The following SLC2A13 variants were observed in gnomAD, a reference collection of about 807,000 sequenced individuals.
SLC2A13 encodes solute carrier family 2 member 13.
In SLC2A13, 32 loss-of-function variants were observed where a neutral mutation model predicts 64.4. That is an observed-to-expected ratio of 0.50 (90% CI 0.37 to 0.67). The LOEUF (loss-of-function observed/expected upper bound fraction) is 0.67. SLC2A13 is among the 30% of genes least tolerant of loss of function. The pLI is 0.00. For missense variants in SLC2A13, 743 were observed against 829.2 expected (o/e 0.90, Z 1.28); for synonymous variants, 338 against 327.1 (o/e 1.03, Z -0.36).
intron 6 of SLC2A13, among the ~76,000 whole-genome samples, chr12:39,837,880 T>G (rs1344221419): frequency 2.6e-5 from 4 of 151,144 alleles, no homozygotes; most frequent in East Asian, 2.0e-4. Context: ...GAAACACTTT[T>G]ACACTGTTGG....
intron 4 of SLC2A13, among the ~76,000 whole-genome samples, chr12:39,882,648 C>A (rs908929921): frequency 2.6e-5 from 4 of 152,158 alleles, no homozygotes; most frequent in South Asian, 2.1e-4. Context: ...ACCAAGAAAG[C>A]GTGAGCAATC....
chr12:39,882,209 C>T (rs1944356110), intron 4 of SLC2A13, among the ~76,000 whole-genome samples: 1 of 152,116 alleles, frequency 6.6e-6, no homozygotes, highest in African/African-American at 2.4e-5. Flanking sequence ...TATTGGTGTG[C>T]TACAGGATCT....
At chr12:39,930,579 G>A (rs1945809553) in intron 4 of SLC2A13, among the ~76,000 whole-genome samples, 1 of 152,078 alleles carries the variant, frequency 6.6e-6, no homozygotes, top group South Asian at 2.1e-4. Flanking sequence ...TGTTAATACT[G>A]AAAGAAAAAT....
intron 7 of SLC2A13, among the ~76,000 whole-genome samples, chr12:39,768,069 AG>A (rs1166515069): frequency 6.6e-5 from 10 of 152,260 alleles, no homozygotes; most frequent in African/African-American, 2.2e-4. Context: ...AACTTGACGC[AG>A]CTTCTCCATC....
At chr12:40,000,444 C>T (rs1565583994) in intron 3 of SLC2A13, among the ~76,000 whole-genome samples, 1 of 152,148 alleles carries the variant, frequency 6.6e-6, no homozygotes, top group Non-Finnish European at 1.5e-5. Flanking sequence ...TTTCACAGTC[C>T]TAATGACCGA....
chr12:39,927,488 G>A (rs1282312702), intron 4 of SLC2A13, among the ~76,000 whole-genome samples: 1 of 151,980 alleles, frequency 6.6e-6, no homozygotes, highest in Non-Finnish European at 1.5e-5. Flanking sequence ...AGTAGTTCAG[G>A]ATTTCATAAT....
Position 39,757,409 on chromosome 12 carries a change from T to C in SLC2A13, c.*2617A>G, listed in dbSNP as rs1389383479. On this transcript the variant is annotated 3_prime_UTR_variant, in exon 10 of 10. Coordinates refer to ENST00000280871, the MANE Select transcript of SLC2A13 (RefSeq NM_052885.4). ...CCAAGTTGATAGTGGTAGCCAAATATGCTGGGAACTTAAAAGGTGCCTAAT... is the reference window on the plus strand; with the variant it reads ...CCAAGTTGATAGTGGTAGCCAAATACGCTGGGAACTTAAAAGGTGCCTAAT... 6.6e-6 allele frequency: 1 copy of C among 151,784 alleles called. No individual in the cohort carries two copies. The allele number at this position is 151,784 out of a possible 1,614,324, so 9.4% of individuals were successfully genotyped here. A position where few individuals can be genotyped will look rare whatever the true frequency, so the allele number is the denominator to read the frequency against.
intron 1 of SLC2A13, among the ~76,000 whole-genome samples, chr12:40,083,984 T>C (rs1406076231): frequency 3.9e-5 from 6 of 152,224 alleles, no homozygotes; most frequent in African/African-American, 1.4e-4. Context: ...TCATTATACT[T>C]TAAAATGCAT....
rs371221516 is a variant in SLC2A13, at chr12:39,795,576, T to G, written c.1446-30718A>C. 6.8e-4 allele frequency among the ~76,000 whole-genome samples: 103 copies of G among 152,292 alleles called. 3 individuals carry two copies. In the East Asian group the frequency reaches 0.015, roughly 22 times the overall value. On this transcript the variant is annotated intron_variant, in intron 7 of 9. Transcript: ENST00000280871. ...TATTTTATGTCATGAGTTACTCATT[T>G]TCTTTGGACTTTTATCTATGGAATG...
At chr12:39,973,867 G>A (rs1382711884) in intron 3 of SLC2A13, among the ~76,000 whole-genome samples, 1 of 152,156 alleles carries the variant, frequency 6.6e-6, no homozygotes, top group East Asian at 1.9e-4. Flanking sequence ...TCTGCAGAGT[G>A]GTCCATAATT....
intron 6 of SLC2A13, among the ~76,000 whole-genome samples, chr12:39,844,667 C>A (rs114258533): frequency 0.013 from 1,935 of 152,142 alleles, 51 homozygotes; most frequent in African/African-American, 0.044. Context: ...GATTTATAGT[C>A]ATACACTCAG....
At chr12:39,952,665 G>A (rs1223401233) in intron 3 of SLC2A13, among the ~76,000 whole-genome samples, 3 of 152,132 alleles carry the variant, frequency 2.0e-5, no homozygotes, top group Non-Finnish European at 4.4e-5. Context: ...TTAATTTAGA[G>A]AAGCGTTGAT....
intron 7 of SLC2A13, among the ~76,000 whole-genome samples, chr12:39,808,584 C>T (rs1942049195): frequency 6.6e-6 from 1 of 152,134 alleles, no homozygotes; most frequent in African/African-American, 2.4e-5. Context: ...CACAACCTCA[C>T]CAACACTTGA....
At chr12:40,082,405 G>C (rs1472643681) in intron 1 of SLC2A13, among the ~76,000 whole-genome samples, 1 of 152,166 alleles carries the variant, frequency 6.6e-6, no homozygotes, top group Non-Finnish European at 1.5e-5. Context: ...GTTGTAATCA[G>C]TTACAACTCC....
chr12:40,027,419 G>GT (rs1947832165), intron 3 of SLC2A13, among the ~76,000 whole-genome samples: 1 of 152,204 alleles, frequency 6.6e-6, no homozygotes, highest in Non-Finnish European at 1.5e-5. Context: ...GGTAGGTAAA[G>GT]TTAAATCAAG....
chr12:39,943,110 G>C (rs1315784432), intron 4 of SLC2A13, among the ~76,000 whole-genome samples: 2 of 152,168 alleles, frequency 1.3e-5, no homozygotes, highest in East Asian at 3.9e-4. Context: ...ACTGCTGCCT[G>C]TTCCTTCCTC....
intron 6 of SLC2A13, among the ~76,000 whole-genome samples, chr12:39,855,088 C>T (rs1407620476): frequency 3.3e-5 from 5 of 152,114 alleles, no homozygotes; most frequent in African/African-American, 1.2e-4. Flanking sequence ...TTTTCATATC[C>T]CATTAAGGTA....
In SLC2A13 at chr12:39,764,804, G is replaced by A. The variant is rs377112740; in HGVS notation, c.1500C>T (p.Phe500=). ...CAGTCCAGGAGTATGGAGTAGGGCA[G>A]AAATTGTAAGCCCAAAATATATCTT... ...KTEDIFWAYN[F]CPTPYSWTAL... is the part of the protein sequence containing the mutation. The change falls in exon 8 of 10, where the codon TTC becomes TTT. Residue 500 remains phenylalanine, a synonymous_variant. Transcript: ENST00000280871. 6.2e-7 allele frequency: 1 copy of A among 1,612,544 alleles called. No homozygotes were observed. The highest frequency in any genetic ancestry group is 1.3e-5 in the African/African-American group (1 of 74,876).
chr12:39,974,761 T>A (rs549175650), intron 3 of SLC2A13, among the ~76,000 whole-genome samples: 1 of 152,232 alleles, frequency 6.6e-6, no homozygotes, highest in South Asian at 2.1e-4. Context: ...GCCTGTAAAC[T>A]AATTGAGAAG....
Sources: gnomAD v4.1 joint callset for allele counts (sites outside exome capture counted in the v4.1 genomes callset) on GRCh38, gnomAD v4.1.1 for gene constraint, MANE v1.5 for transcripts, NCBI Gene and HGNC (gene_info 2026-07-23, HGNC 2026-07-21) for gene names.